UNC13C: variants seen among roughly 807,000 people sequenced by gnomAD.
The protein encoded by UNC13C is unc-13 homolog C.
Under a neutral mutation model 245.4 loss-of-function variants are expected in UNC13C, and 174 were observed. The ratio of observed to expected loss-of-function variants is 0.71; its 90% CI spans 0.63 to 0.80. The LOEUF is 0.80. Ranked by LOEUF, UNC13C falls within the 30% of genes least tolerant of loss-of-function variation. UNC13C has a pLI of 0.00. For synonymous variants in UNC13C, 992 were observed against 895.1 expected (o/e 1.11, Z -1.93); for missense variants, 2,829 against 2,602.9 (o/e 1.09, Z -1.89).
intron 17 of UNC13C, among the ~76,000 whole-genome samples, chr15:54,373,756 A>AGGG (rs913415845): frequency 1.3e-5 from 2 of 152,172 alleles, no homozygotes; most frequent in African/African-American, 4.8e-5. Context: ...ATGGTGAGCA[A>AGGG]GGGGCATGTT....
At chr15:54,619,286 C>A (rs768607957) in intron 30 of UNC13C, among the ~76,000 whole-genome samples, 7 of 152,152 alleles carry the variant, frequency 4.6e-5, no homozygotes, top group Non-Finnish European at 8.8e-5. Flanking sequence ...TATCTAGAAT[C>A]TCTCCAATGG....
chr15:54,066,271 G>A (rs1566987277), intron 2 of UNC13C, among the ~76,000 whole-genome samples: 1 of 152,208 alleles, frequency 6.6e-6, no homozygotes, highest in Non-Finnish European at 1.5e-5. Context: ...ATGGCCAGCA[G>A]CCTAGCACAT....
At chr15:54,246,028 G>A (rs188502463) in intron 7 of UNC13C, among the ~76,000 whole-genome samples, 1 of 152,172 alleles carries the variant, frequency 6.6e-6, no homozygotes, top group African/African-American at 2.4e-5. Flanking sequence ...ACAGTTGGTA[G>A]ATTAGAATAT....
chr15:54,099,866 G>A (rs569565932), intron 2 of UNC13C, among the ~76,000 whole-genome samples: 2 of 152,092 alleles, frequency 1.3e-5, no homozygotes, highest in South Asian at 4.2e-4. Context: ...AGGCTGAGGC[G>A]GGTGGATCAC....
intron 5 of UNC13C, among the ~76,000 whole-genome samples, chr15:54,235,491 GACCT>G (rs59881567): frequency 0.16 from 23,704 of 152,020 alleles, 2,232 homozygotes; most frequent in African/African-American, 0.26. Flanking sequence ...TAATACAGTG[GACCT>G]GAATACTTTA....
chr15:53,987,568 C>T (rs1239195602), intron 1 of UNC13C, among the ~76,000 whole-genome samples: 1 of 151,918 alleles, frequency 6.6e-6, no homozygotes, highest in African/African-American at 2.4e-5. Context: ...TATGCTGCAG[C>T]ACTAGCAGGC....
In UNC13C at chr15:54,610,780, G is replaced by A. The variant is rs1900047941; in HGVS notation, c.6107-11547G>A. The stretch of plus-strand genomic sequence containing the variant: ...TCTAGCTGATACTTAGCGAAGCCTG[G>A]ATTCAAACCCAGGCAGTATGGCCCA... On this transcript the variant is annotated intron_variant, in intron 30 of 32. Coordinates refer to ENST00000260323, the MANE Select transcript of UNC13C (RefSeq NM_001080534.3). Among the ~76,000 whole-genome samples the A allele has an allele frequency of 4.6e-5, 7 of 152,206 alleles. No individual in the cohort carries two copies. The South Asian group carries it at 1.5e-3, about 32-fold the overall frequency.
intron 10 of UNC13C, among the ~76,000 whole-genome samples, chr15:54,276,881 G>A (rs904759442): frequency 1.3e-5 from 2 of 151,792 alleles, no homozygotes; most frequent in African/African-American, 2.4e-5. Context: ...AGCTACTTAA[G>A]GACAACCTCC....
chr15:54,463,303 A>C (rs1354307650), intron 19 of UNC13C, among the ~76,000 whole-genome samples: 1 of 132,298 alleles, frequency 7.6e-6, no homozygotes, highest in Non-Finnish European at 1.6e-5. Flanking sequence ...AAGGGAATAA[A>C]AGCAGGCTGC....
chr15:54,392,875 T>C (rs1412039007), intron 17 of UNC13C, among the ~76,000 whole-genome samples, 173 bp from the exon 18 acceptor site: 2 of 152,028 alleles, frequency 1.3e-5, no homozygotes, highest in Non-Finnish European at 2.9e-5. Context: ...GAGTTTATTC[T>C]ATGGGATGTC....
intron 19 of UNC13C, among the ~76,000 whole-genome samples, chr15:54,465,892 T>C (rs2141034058): frequency 6.6e-6 from 1 of 152,158 alleles, no homozygotes; most frequent in African/African-American, 2.4e-5. Flanking sequence ...CCTAGAAAAG[T>C]GCTTTCAGAT....
chr15:54,430,131 T>C (rs189195837), intron 19 of UNC13C, among the ~76,000 whole-genome samples: 1 of 151,698 alleles, frequency 6.6e-6, no homozygotes, highest in Non-Finnish European at 1.5e-5. Context: ...TATGTTGACA[T>C]GTTTGATAAG....
the UNC13C span, among the ~76,000 whole-genome samples, chr15:53,886,937 T>A: frequency 2.6e-5 from 4 of 152,122 alleles, no homozygotes; most frequent in Admixed American, 2.6e-4. Context: ...TCCTAAAACA[T>A]TTCAAGGTCA....
chr15:54,070,836 C>A lies in UNC13C; in HGVS notation c.2983+54950C>A, dbSNP rs147495446. On this transcript the variant is annotated intron_variant, in intron 2 of 32. Coordinates refer to ENST00000260323, the MANE Select transcript of UNC13C (RefSeq NM_001080534.3). ...GAAGTAAAGTTTATTAAGATCCCAA[C>A]TCATTACTTACAAGCTGGATTTGAC... Among the ~76,000 whole-genome samples, 680 of 152,226 alleles carry A rather than the reference C, an allele frequency of 4.5e-3. 5 individuals are homozygous for A. Among genetic ancestry groups the A allele is most frequent in the African/African-American group, 0.016 (652 of 41,532 alleles).
chr15:54,005,036 G>T (rs968556725), intron 1 of UNC13C, among the ~76,000 whole-genome samples: 1 of 151,996 alleles, frequency 6.6e-6, no homozygotes, highest in Non-Finnish European at 1.5e-5. Context: ...CTCCATGTTT[G>T]CTCTGGTCAC....
At chr15:54,049,472 A>T (rs939120853) in intron 2 of UNC13C, 4 of 389,014 alleles carry the variant, frequency 1.0e-5, no homozygotes, top group Non-Finnish European at 2.0e-5. Context: ...GAAACAACTA[A>T]GTGTGCAGAG....
At chr15:54,187,888 C>G (rs2034048645) in intron 4 of UNC13C, among the ~76,000 whole-genome samples, 1 of 152,144 alleles carries the variant, frequency 6.6e-6, no homozygotes, top group African/African-American at 2.4e-5. Context: ...TGGCTCACTG[C>G]AACCTCCACC....
At chr15:54,420,526 T>C (rs1199605909) in intron 19 of UNC13C, among the ~76,000 whole-genome samples, 1 of 151,858 alleles carries the variant, frequency 6.6e-6, no homozygotes, top group Non-Finnish European at 1.5e-5. Context: ...GGTGATGAAC[T>C]CTAAGAGTCA....
intron 19 of UNC13C, among the ~76,000 whole-genome samples, chr15:54,422,975 A>ACT (rs2040681174): frequency 7.1e-6 from 1 of 141,386 alleles, no homozygotes; most frequent in Non-Finnish European, 1.5e-5. Context: ...ACACACACAC[A>ACT]CACACACAAC....
Sources: gnomAD v4.1 joint callset for allele counts (sites outside exome capture counted in the v4.1 genomes callset) on GRCh38, gnomAD v4.1.1 for gene constraint, MANE v1.5 for transcripts, NCBI Gene and HGNC (gene_info 2026-07-23, HGNC 2026-07-21) for gene names.